PCLO: variants seen among roughly 807,000 people sequenced by gnomAD.
PCLO encodes the protein piccolo presynaptic cytomatrix protein, also known as protein piccolo.
PCLO carries 82 observed loss-of-function variants against 427.5 expected under a neutral mutation model. The ratio of observed to expected loss-of-function variants is 0.19; its 90% CI spans 0.16 to 0.23. The LOEUF (loss-of-function observed/expected upper bound fraction) is 0.23, where lower values mean the gene tolerates loss of function less well. Among genes scored for constraint, PCLO ranks in the 10% least tolerant of loss-of-function variants. PCLO has a pLI of 1.00. For synonymous variants in PCLO, 2,357 were observed against 2,155.4 expected, an observed-to-expected ratio of 1.09 and a Z score of -2.59; for missense variants, 6,239 against 6,115.9, an observed-to-expected ratio of 1.02 and a Z score of -0.67.
chr7:82,911,776 C>T (rs1437019197), intron 7 of PCLO, among the ~76,000 whole-genome samples: 2 of 152,002 alleles, frequency 1.3e-5, no homozygotes, highest in African/African-American at 2.4e-5. Flanking sequence ...ACGTGTGCCA[C>T]TACGCCCAGC....
intron 16 of PCLO, among the ~76,000 whole-genome samples, chr7:82,829,722 A>C (rs1459696714): frequency 1.3e-5 from 2 of 152,188 alleles, no homozygotes; most frequent in African/African-American, 4.8e-5. Context: ...CAAACATCCA[A>C]ATATTCAATT....
intron 20 of PCLO, 196 bp downstream of exon 20, chr7:82,822,299 C>G (rs926717480): frequency 1.3e-4 from 184 of 1,422,912 alleles, no homozygotes; most frequent in African/African-American, 1.0e-3. Context: ...TTATTTCAGT[C>G]TATGTAAATA....
chr7:82,979,555 A>G (rs1489078855), intron 3 of PCLO, among the ~76,000 whole-genome samples: 2 of 152,178 alleles, frequency 1.3e-5, no homozygotes, highest in Admixed American at 1.3e-4. Flanking sequence ...TGTGTATTAT[A>G]CATTCTAAAC....
intron 6 of PCLO, among the ~76,000 whole-genome samples, chr7:82,921,163 T>C (rs993912818): frequency 4.6e-5 from 7 of 151,834 alleles, no homozygotes; most frequent in African/African-American, 1.7e-4. Flanking sequence ...AAGCAATGTA[T>C]AGATTCAATG....
intron 3 of PCLO, among the ~76,000 whole-genome samples, chr7:83,004,622 T>C (rs1371332959): frequency 8.1e-6 from 1 of 123,610 alleles, no homozygotes; most frequent in East Asian, 2.9e-4. Context: ...AATGATTTTT[T>C]AGATATAACA....
intron 3 of PCLO, among the ~76,000 whole-genome samples, chr7:83,110,043 T>A (rs951359581): frequency 5.0e-4 from 76 of 151,424 alleles, no homozygotes; most frequent in African/African-American, 1.8e-3. Flanking sequence ...AATAAAAATA[T>A]ATGGTTTTGG....
At chr7:82,987,797 T>C (rs894829523) in intron 3 of PCLO, among the ~76,000 whole-genome samples, 4 of 152,112 alleles carry the variant, frequency 2.6e-5, no homozygotes, top group Non-Finnish European at 4.4e-5. Context: ...AAATATTAAG[T>C]ATCTTATTTT....
At chr7:82,975,604 G>A (rs1017368916) in intron 3 of PCLO, among the ~76,000 whole-genome samples, 4 of 152,060 alleles carry the variant, frequency 2.6e-5, no homozygotes, top group African/African-American at 9.7e-5. Flanking sequence ...GATTCTGCAG[G>A]GTGTAAACTT....
intron 24 of PCLO, 103 bp from the exon 25 acceptor site, chr7:82,758,818 C>A (rs564024124): frequency 4.6e-6 from 3 of 655,026 alleles, no homozygotes; most frequent in Non-Finnish European, 7.7e-6. Context: ...AGACATAGCA[C>A]GAAAGAGGGT....
chr7:82,990,768 G>A (rs911577975), intron 3 of PCLO, among the ~76,000 whole-genome samples: 1 of 152,070 alleles, frequency 6.6e-6, no homozygotes, highest in African/African-American at 2.4e-5. Flanking sequence ...TATGCTCTCT[G>A]AGAAACATCA....
chr7:83,026,779 C>T (rs1218795077), intron 3 of PCLO, among the ~76,000 whole-genome samples: 2 of 150,274 alleles, frequency 1.3e-5, no homozygotes, highest in African/African-American at 4.9e-5. Context: ...TGCAATCAAA[C>T]TAGAACTCAG....
intron 3 of PCLO, among the ~76,000 whole-genome samples, chr7:83,133,111 C>G (rs983374535): frequency 1.3e-5 from 2 of 151,812 alleles, no homozygotes; most frequent in Non-Finnish European, 1.5e-5. Context: ...TTAATTAGAT[C>G]AAAGCAAACA....
chr7:82,760,623 C>T lies in PCLO; in HGVS notation c.15288+16G>A. The T allele has an allele frequency of 6.5e-7, 1 of 1,548,676 alleles. No individual in the cohort carries two copies. Among genetic ancestry groups the T allele is most frequent in the East Asian group, 2.3e-5 (1 of 43,920 alleles). On this transcript the variant is annotated intron_variant, in intron 24 of 24. Transcript: ENST00000333891. ...AATGAGAAGTTTCAAATATGAACTA[C>T]ATAATACAGAGCTACCTGAAGAGAA...
At chr7:83,096,231 T>C (rs1010550536) in intron 3 of PCLO, among the ~76,000 whole-genome samples, 6 of 151,256 alleles carry the variant, frequency 4.0e-5, no homozygotes. Flanking sequence ...TTTCTGCTGA[T>C]GATTAAACTA....
intron 9 of PCLO, among the ~76,000 whole-genome samples, chr7:82,902,217 A>T (rs1387162365): frequency 1.3e-5 from 2 of 151,826 alleles, no homozygotes; most frequent in Admixed American, 1.3e-4. Context: ...AAAATGTGGC[A>T]CATATACACC....
chr7:83,086,919 G>A (rs1174129504), intron 3 of PCLO, among the ~76,000 whole-genome samples: 1 of 151,894 alleles, frequency 6.6e-6, no homozygotes, highest in Non-Finnish European at 1.5e-5. Context: ...TCCTTTGTAG[G>A]GACATGGATG....
At chr7:83,018,983 G>A (rs899387268) in intron 3 of PCLO, among the ~76,000 whole-genome samples, 2 of 152,000 alleles carry the variant, frequency 1.3e-5, no homozygotes, top group Admixed American at 6.6e-5. Flanking sequence ...AATAAAAGAA[G>A]TGATAATGAA....
In PCLO at chr7:82,955,686, C is replaced by T. The variant is rs139451754; in HGVS notation, c.5267G>A (p.Arg1756His). 1.8e-4 allele frequency: 292 copies of T among 1,613,920 alleles called. 1 individual carries two copies. In the African/African-American group the frequency reaches 3.2e-3, roughly 18 times the overall value. The part of the protein sequence containing the change: ...SHKKGESKQQ[R>H]KARHRPHGPL... The stretch of plus-strand genomic sequence containing the variant: ...GCCATGTGGTCTGTGCCGAGCTTTG[C>T]GTTGCTGTTTGCTCTCTCCTTTTTT... Residue 1756 changes from arginine (R) to histidine (H), a missense_variant, in exon 5 of 25, where the codon CGC becomes CAC. Coordinates refer to ENST00000333891, the MANE Select transcript of PCLO (RefSeq NM_033026.6).
At chr7:83,084,457 G>A (rs926185140) in intron 3 of PCLO, among the ~76,000 whole-genome samples, 1 of 152,004 alleles carries the variant, frequency 6.6e-6, no homozygotes. Context: ...CAGCTTAAAA[G>A]CACCATGTCT....
Sources: gnomAD v4.1 joint callset for allele counts (sites outside exome capture counted in the v4.1 genomes callset) on GRCh38, gnomAD v4.1.1 for gene constraint, MANE v1.5 for transcripts, NCBI Gene and HGNC (gene_info 2026-07-23, HGNC 2026-07-21) for gene names.